The following TRAPPC11 variants were observed in gnomAD, a reference collection of about 807,000 sequenced individuals.
TRAPPC11 encodes the protein foie gras homolog.
A neutral mutation model predicts 151.2 loss-of-function variants in TRAPPC11; 104 were observed. That is an observed-to-expected ratio of 0.69 (90% CI 0.59 to 0.81). The LOEUF (loss-of-function observed/expected upper bound fraction) is 0.81. Among genes scored for constraint, TRAPPC11 ranks in the 30% least tolerant of loss-of-function variants. TRAPPC11 has a pLI of 0.00. For missense variants in TRAPPC11, 1,230 were observed against 1,349.6 expected (o/e 0.91, Z 1.39); for synonymous variants, 456 against 472.3 (o/e 0.97, Z 0.45).
chr4:183,704,432 A>G (rs1445380005), intron 26 of TRAPPC11, among the ~76,000 whole-genome samples: 1 of 151,222 alleles, frequency 6.6e-6, no homozygotes, highest in African/African-American at 2.4e-5. Flanking sequence ...GAGGCAGGAG[A>G]ATCACTTGAA....
chr4:183,697,687 C>T lies in TRAPPC11; in HGVS notation c.2703C>T (p.His901=). Residue 901 remains histidine, a synonymous_variant, in exon 25 of 30, where the codon CAC becomes CAT. Coordinates refer to ENST00000334690, the MANE Select transcript of TRAPPC11 (RefSeq NM_021942.6). The part of the protein sequence containing the change: ...AVKFVSTKFE[H]LERVYADIPF... ...ATCTTCATTTGTGACAGTTTGAGCACCTGGAAAGGGTTTATGCTGACATCC... is the reference window on the plus strand; with the variant it reads ...ATCTTCATTTGTGACAGTTTGAGCATCTGGAAAGGGTTTATGCTGACATCC... The T allele has an allele frequency of 3.7e-6, 6 of 1,613,896 alleles. No homozygotes were observed. The highest frequency in any genetic ancestry group is 5.1e-6 in the Non-Finnish European group (6 of 1,179,984).
intron 27 of TRAPPC11, among the ~76,000 whole-genome samples, 166 bp downstream of exon 27, chr4:183,705,236 A>T (rs1004179854): frequency 6.6e-6 from 1 of 151,938 alleles, no homozygotes; most frequent in Non-Finnish European, 1.5e-5. Context: ...CACTCCTCCT[A>T]CCCCTGTTAT....
intron 29 of TRAPPC11, among the ~76,000 whole-genome samples, chr4:183,710,290 CTT>C (rs67614237): frequency 4.0e-4 from 58 of 146,804 alleles, no homozygotes; most frequent in Non-Finnish European, 4.7e-4. Context: ...AGAAAATAAA[CTT>C]TTTTTTTTTT....
intron 18 of TRAPPC11, among the ~76,000 whole-genome samples, chr4:183,687,441 A>G (rs573409865): frequency 6.6e-6 from 1 of 151,950 alleles, no homozygotes; most frequent in East Asian, 1.9e-4. Context: ...TTGGACTCCC[A>G]CCTTAGCCCC....
chr4:183,665,475 C>G (rs930096841), intron 2 of TRAPPC11, among the ~76,000 whole-genome samples: 2 of 152,190 alleles, frequency 1.3e-5, no homozygotes, highest in African/African-American at 4.8e-5. Flanking sequence ...TCTTAATGCT[C>G]GAATTCAAGC....
At chr4:183,679,949 A>G (rs1490985135) in intron 9 of TRAPPC11, among the ~76,000 whole-genome samples, 171 bp from the exon 10 acceptor site, 1 of 152,208 alleles carries the variant, frequency 6.6e-6, no homozygotes, top group Non-Finnish European at 1.5e-5. Flanking sequence ...TCTGTAACCT[A>G]CAGTTAGTGT....
At chr4:183,666,505 G>GTACCTACC in intron 3 of TRAPPC11, 79 bp downstream of exon 3, 1 of 1,432,368 alleles carries the variant, frequency 7.0e-7, no homozygotes, top group Non-Finnish European at 9.6e-7. Flanking sequence ...AGGCAATGGA[G>GTACCTACC]TACCGTTCAG....
At chr4:183,711,087 C>CA (rs1314946397) in intron 29 of TRAPPC11, among the ~76,000 whole-genome samples, 1 of 150,286 alleles carries the variant, frequency 6.7e-6, no homozygotes, top group Non-Finnish European at 1.5e-5. Context: ...TTCAAAACAT[C>CA]ATGTTGTATA....
chr4:183,682,800 A>G lies in TRAPPC11; in HGVS notation c.1182A>G (p.Gln394=). The G allele has an allele frequency of 6.2e-7, 1 of 1,613,576 alleles. No homozygotes were observed. The highest frequency in any genetic ancestry group is 1.1e-5 in the South Asian group (1 of 91,040). The change falls in exon 11 of 30, where the codon CAA becomes CAG. Residue 394 remains glutamine, a synonymous_variant. Coordinates refer to ENST00000334690, the MANE Select transcript of TRAPPC11 (RefSeq NM_021942.6). ...CAGGCGTTCTTGACTTTTATGGACA[A>G]AGATCATGGCGACAAGGAATACTAA... ...TQTGVLDFYG[Q]RSWRQGILSF...
Position 183,712,830 on chromosome 4 carries a change from C to G in TRAPPC11, c.*186C>G, listed in dbSNP as rs150159419. On this transcript the variant is annotated 3_prime_UTR_variant, in exon 30 of 30. Coordinates refer to ENST00000334690, the MANE Select transcript of TRAPPC11 (RefSeq NM_021942.6). Reference sequence around the variant, plus strand: ...ATTAGGAAAATCTGTCTTATAGTTTCTCTAATAAATATCTGAAATCTCAGT... The same window carrying G: ...ATTAGGAAAATCTGTCTTATAGTTTGTCTAATAAATATCTGAAATCTCAGT... The G allele has an allele frequency of 8.3e-4, 410 of 494,624 alleles. 1 individual carries two copies. The highest frequency in any genetic ancestry group is 7.2e-3 in the African/African-American group (370 of 51,132). 30.6% of individuals were successfully genotyped at this position (494,624 alleles called of 1,614,324 possible).
intron 25 of TRAPPC11, among the ~76,000 whole-genome samples, chr4:183,698,104 A>T (rs1736635425): frequency 6.6e-6 from 1 of 151,268 alleles, no homozygotes; most frequent in Non-Finnish European, 1.5e-5. Flanking sequence ...CACAAAAAGA[A>T]TTTTTTTTTC....
intron 7 of TRAPPC11, among the ~76,000 whole-genome samples, chr4:183,676,918 CCACA>C (rs1390973829): frequency 6.6e-6 from 1 of 152,132 alleles, no homozygotes; most frequent in Admixed American, 6.6e-5. Context: ...GCTTGTGCTA[CCACA>C]CCCGGCTAAC....
At chr4:183,680,677 C>T (rs1429156931) in intron 10 of TRAPPC11, among the ~76,000 whole-genome samples, 1 of 86,410 alleles carries the variant, frequency 1.2e-5, no homozygotes, top group African/African-American at 5.3e-5. Flanking sequence ...TGTATGGAGA[C>T]TCTTTTTTTT....
Position 183,712,669 on chromosome 4 carries a change from T to A in TRAPPC11, c.*25T>A, listed in dbSNP as rs763552429. 6.2e-7 allele frequency: 1 copy of A among 1,613,228 alleles called. No individual in the cohort carries two copies. The highest frequency in any genetic ancestry group is 8.5e-7 in the Non-Finnish European group (1 of 1,179,160). ...ATGTTCAAGACCGGCCCTTGGCTGT[T>A]GTTACAGAGATGTTGGGCAGAGCTA... is the stretch of plus-strand genomic sequence containing the variant. On this transcript the variant is annotated 3_prime_UTR_variant, in exon 30 of 30. Coordinates refer to ENST00000334690, the MANE Select transcript of TRAPPC11 (RefSeq NM_021942.6).
chr4:183,681,728 C>T (rs1020394240), intron 10 of TRAPPC11, among the ~76,000 whole-genome samples: 1 of 150,030 alleles, frequency 6.7e-6, no homozygotes, highest in Non-Finnish European at 1.5e-5. Context: ...TGCAGCGAGC[C>T]GAGATCGTGC....
intron 11 of TRAPPC11, among the ~76,000 whole-genome samples, chr4:183,683,304 C>T (rs1415746636): frequency 6.6e-6 from 1 of 152,106 alleles, no homozygotes; most frequent in African/African-American, 2.4e-5. Context: ...ACCTTAAAAA[C>T]AATTTCTCTG....
intron 27 of TRAPPC11, 96 bp downstream of exon 27, chr4:183,705,166 A>T: frequency 3.4e-6 from 3 of 893,276 alleles, no homozygotes; most frequent in Non-Finnish European, 5.2e-6. Flanking sequence ...CTATTTAGAA[A>T]GTTTTTCAGC....
At chr4:183,659,585 C>T in intron 1 of TRAPPC11, 138 bp downstream of exon 1, 2 of 152,264 alleles carry the variant, frequency 1.3e-5, no homozygotes, top group East Asian at 3.9e-4. Flanking sequence ...CTTTTAGACC[C>T]GAGGAAAGAC....
chr4:183,667,964 A>G (rs763262948), intron 4 of TRAPPC11, 39 bp from the exon 5 acceptor site: 1 of 1,260,424 alleles, frequency 7.9e-7, no homozygotes, highest in East Asian at 2.3e-5. Context: ...TACATTAGTT[A>G]TTTTATTTCT....
Sources: gnomAD v4.1 joint callset for allele counts (sites outside exome capture counted in the v4.1 genomes callset) on GRCh38, gnomAD v4.1.1 for gene constraint, MANE v1.5 for transcripts, NCBI Gene and HGNC (gene_info 2026-07-23, HGNC 2026-07-21) for gene names.